Variants in FHIT observed in about 807,000 individuals in gnomAD.
FHIT encodes bis(5'-adenosyl)-triphosphatase.
In FHIT, 19 loss-of-function variants were observed where a neutral mutation model predicts 17.9. The observed-to-expected ratio is 1.06, with a 90% confidence interval of 0.74 to 1.56. The LOEUF is 1.56. Among genes scored for constraint, FHIT ranks in the 40% most tolerant of loss-of-function variants. The probability of loss-of-function intolerance (pLI) is 0.00; values close to 1 mark genes in which losing one functional copy is unlikely to be tolerated. For synonymous variants in FHIT, 81 were observed against 69.7 expected, an observed-to-expected ratio of 1.16 and a Z score of -0.81; for missense variants, 248 against 189.2, an observed-to-expected ratio of 1.31 and a Z score of -1.82.
chr3:60,553,441 A>AT, intron 4 of FHIT: 8 of 483,490 alleles, frequency 1.7e-5, no homozygotes, highest in African/African-American at 2.2e-5. Flanking sequence ...ACTGCTTTAA[A>AT]ATATATATAT....
At chr3:60,591,735 T>G (rs2038091982) in intron 4 of FHIT, among the ~76,000 whole-genome samples, 1 of 152,194 alleles carries the variant, frequency 6.6e-6, no homozygotes, top group East Asian at 1.9e-4. Context: ...CTTTAGTTTG[T>G]TCGTTCAAAT....
chr3:60,693,898 G>T (rs574628393), intron 4 of FHIT, among the ~76,000 whole-genome samples: 2 of 152,192 alleles, frequency 1.3e-5, no homozygotes, highest in Admixed American at 1.3e-4. Flanking sequence ...CACCAGCACT[G>T]AATAGAAAGA....
chr3:59,784,365 ATGGTG>A (rs1437247672), intron 8 of FHIT, among the ~76,000 whole-genome samples: 4 of 152,202 alleles, frequency 2.6e-5, no homozygotes, highest in South Asian at 4.1e-4. Context: ...TGCAAATCAG[ATGGTG>A]CTAGTCAGAG....
intron 5 of FHIT, among the ~76,000 whole-genome samples, chr3:60,326,908 A>C (rs1207104310): frequency 6.6e-6 from 1 of 152,296 alleles, no homozygotes; most frequent in East Asian, 1.9e-4. Flanking sequence ...GTAATCGAAA[A>C]ATAACACTCT....
rs190294152 is a variant in FHIT at position 61,025,517 on chromosome 3, T to A, written c.-111+16530A>T. 7.3e-3 allele frequency among the ~76,000 whole-genome samples: 1,109 copies of A among 152,146 alleles called. 11 individuals are homozygous for A. Among genetic ancestry groups the A allele is most frequent in the Non-Finnish European group, 0.011 (756 of 68,034 alleles). On this transcript the variant is annotated intron_variant, in intron 3 of 9. Coordinates refer to ENST00000492590, the MANE Select transcript of FHIT (RefSeq NM_002012.4). ...GCACATTGAACATGAAAATCTTCTC[T>A]CTTCCTTATCAACAAGGCACTAACA...
At chr3:60,181,812 A>G (rs1701951319) in intron 5 of FHIT, among the ~76,000 whole-genome samples, 1 of 152,148 alleles carries the variant, frequency 6.6e-6, no homozygotes, top group Admixed American at 6.5e-5. Context: ...TCTGACAGTT[A>G]TATCCTTCAT....
At chr3:59,966,933 T>A (rs9880771) in intron 7 of FHIT, among the ~76,000 whole-genome samples, 31,138 of 152,198 alleles carry the variant, frequency 0.2, 4,619 homozygotes, top group African/African-American at 0.39. Context: ...ACTTTTTGAC[T>A]TTTGTAATAA....
intron 3 of FHIT, among the ~76,000 whole-genome samples, chr3:60,970,483 C>T (rs530450967): frequency 1.1e-4 from 17 of 152,004 alleles, no homozygotes; most frequent in African/African-American, 4.1e-4. Flanking sequence ...TATTTATATT[C>T]TTATCACTAT....
intron 3 of FHIT, among the ~76,000 whole-genome samples, chr3:60,911,717 T>C (rs1225917471): frequency 1.3e-5 from 2 of 152,198 alleles, no homozygotes; most frequent in South Asian, 2.1e-4. Context: ...GTCTTTTTTA[T>C]GGTTTTTAAA....
rs570877659 is a variant in FHIT at position 59,976,190 on chromosome 3, A to G, written c.279+35181T>C. On this transcript the variant is annotated intron_variant, in intron 7 of 9. Coordinates refer to ENST00000492590, the MANE Select transcript of FHIT (RefSeq NM_002012.4). The stretch of plus-strand genomic sequence containing the variant: ...GTCTGGGGGGTAAAGGAAGCTTTCA[A>G]TAATCACATAAACAGAAGTAGCATT... 9.2e-5 allele frequency among the ~76,000 whole-genome samples: 14 copies of G among 152,248 alleles called. No individual in the cohort carries two copies. In the South Asian group the frequency reaches 2.9e-3, roughly 32 times the overall value.
At chr3:59,791,760 C>T (rs567488977) in intron 8 of FHIT, among the ~76,000 whole-genome samples, 10 of 152,070 alleles carry the variant, frequency 6.6e-5, no homozygotes, top group Non-Finnish European at 1.5e-4. Context: ...TTCCACAAGG[C>T]CAGGTATTTT....
At chr3:60,532,754 G>C (rs948056846) in intron 5 of FHIT, among the ~76,000 whole-genome samples, 7 of 152,160 alleles carry the variant, frequency 4.6e-5, no homozygotes, top group African/African-American at 1.7e-4. Flanking sequence ...TGAAGCAAAC[G>C]ATCCTGCTTC....
At chr3:59,869,524 C>G (rs191456943) in intron 8 of FHIT, among the ~76,000 whole-genome samples, 1,639 of 125,004 alleles carry the variant, frequency 0.013, 43 homozygotes, top group African/African-American at 0.052. Flanking sequence ...CTCTGTCGCC[C>G]AGGCTGGAGT....
intron 2 of FHIT, among the ~76,000 whole-genome samples, chr3:61,099,968 G>A (rs1559981271): frequency 6.6e-6 from 1 of 152,086 alleles, no homozygotes; most frequent in Non-Finnish European, 1.5e-5. Context: ...CCTTGCTGAT[G>A]CTTGTTATTG....
intron 5 of FHIT, among the ~76,000 whole-genome samples, chr3:60,078,530 A>C (rs192688375): frequency 1.3e-5 from 2 of 152,294 alleles, no homozygotes; most frequent in East Asian, 1.9e-4. Context: ...ACTAAAAGAC[A>C]GGACAACTAA....
chr3:60,280,628 T>C (rs1707384727), intron 5 of FHIT, among the ~76,000 whole-genome samples: 1 of 152,122 alleles, frequency 6.6e-6, no homozygotes, highest in Non-Finnish European at 1.5e-5. Context: ...AGGAATGGAT[T>C]TCCCTCCACA....
chr3:59,779,736 CCT>C (rs1559598644), intron 8 of FHIT, among the ~76,000 whole-genome samples: 2 of 152,264 alleles, frequency 1.3e-5, no homozygotes, highest in South Asian at 2.1e-4. Flanking sequence ...CAATCCTGTA[CCT>C]CTTTTTCCTT....
chr3:60,954,749 A>T (rs1709038694), intron 3 of FHIT, among the ~76,000 whole-genome samples: 1 of 152,208 alleles, frequency 6.6e-6, no homozygotes, highest in African/African-American at 2.4e-5. Context: ...TAGTTTCAAG[A>T]TGATCATAGA....
intron 3 of FHIT, among the ~76,000 whole-genome samples, chr3:60,965,658 G>A (rs1486930650): frequency 6.6e-6 from 1 of 152,200 alleles, no homozygotes; most frequent in African/African-American, 2.4e-5. Flanking sequence ...CCTTCTAACA[G>A]TCAGGACCCT....
Sources: gnomAD v4.1 joint callset for allele counts (sites outside exome capture counted in the v4.1 genomes callset) on GRCh38, gnomAD v4.1.1 for gene constraint, MANE v1.5 for transcripts, NCBI Gene and HGNC (gene_info 2026-07-23, HGNC 2026-07-21) for gene names.